FTCDNL1: variants seen among roughly 807,000 people sequenced by gnomAD.
The protein encoded by FTCDNL1 is formiminotransferase N-terminal subdomain-containing protein.
Under a neutral mutation model 5.9 loss-of-function variants are expected in FTCDNL1, and 11 were observed. The ratio of observed to expected loss-of-function variants is 1.87; its 90% CI spans 1.18 to 3.10. FTCDNL1 has a LOEUF of 3.10. Ranked by LOEUF, FTCDNL1 falls within the 30% of genes most tolerant of loss-of-function variation. FTCDNL1 has a pLI of 0.00. For missense variants in FTCDNL1, 115 were observed against 65.5 expected (o/e 1.76, Z -2.61); for synonymous variants, 58 against 24.8 (o/e 2.34, Z -3.99).
At chr2:199,815,114 G>T (rs984052480) in intron 4 of FTCDNL1, among the ~76,000 whole-genome samples, 1 of 152,128 alleles carries the variant, frequency 6.6e-6, no homozygotes, top group African/African-American at 2.4e-5. Flanking sequence ...AAATGTTTAG[G>T]ATTTTAAATA....
At chr2:199,734,676 C>T in the FTCDNL1 span, among the ~76,000 whole-genome samples, 1 of 152,134 alleles carries the variant, frequency 6.6e-6, no homozygotes, top group African/African-American at 2.4e-5. Context: ...TTTCAAATAG[C>T]ACCCAGAATG....
the FTCDNL1 span, among the ~76,000 whole-genome samples, chr2:199,665,405 G>A: frequency 1.3e-5 from 2 of 152,102 alleles, no homozygotes; most frequent in Non-Finnish European, 2.9e-5. Flanking sequence ...GCCGAGGCAG[G>A]CAGATTACCT....
chr2:199,752,695 C>G, the FTCDNL1 span, among the ~76,000 whole-genome samples: 1 of 151,766 alleles, frequency 6.6e-6, no homozygotes, highest in African/African-American at 2.4e-5. Context: ...GTCTCTGTGT[C>G]TCTCTCTTGC....
downstream of FTCDNL1, among the ~76,000 whole-genome samples, chr2:199,807,681 CT>C (rs1486094960): frequency 4.6e-5 from 7 of 152,052 alleles, no homozygotes; most frequent in African/African-American, 1.7e-4. Context: ...TAAATTTTTG[CT>C]TTTTAATGGA....
In FTCDNL1 at chr2:199,839,922, A is replaced by G. The variant is rs558922644; in HGVS notation, c.211+6153T>C. Among the ~76,000 whole-genome samples the G allele has an allele frequency of 5.3e-5, 8 of 152,322 alleles. No homozygotes were observed. The East Asian group carries it at 1.3e-3, about 26-fold the overall frequency. Reference sequence around the variant, plus strand: ...TTCATTTTTTTTCAGAAAGCTACTAAAGGATGTGTTCCACCAAAACGACAC... The same window carrying G: ...TTCATTTTTTTTCAGAAAGCTACTAGAGGATGTGTTCCACCAAAACGACAC... On this transcript the variant is annotated intron_variant, in intron 3 of 4. Coordinates refer to ENST00000420128, the MANE Select transcript of FTCDNL1 (RefSeq NM_001363886.2).
At chr2:199,768,296 C>T (rs548255554) in intron 3 of FTCDNL1, among the ~76,000 whole-genome samples, 1 of 129,324 alleles carries the variant, frequency 7.7e-6, no homozygotes, top group Non-Finnish European at 1.8e-5. Context: ...GGTTCTTATG[C>T]TTAAGATGAG....
At chr2:199,789,276 G>T (rs1199073834) in intron 3 of FTCDNL1, among the ~76,000 whole-genome samples, 1 of 152,094 alleles carries the variant, frequency 6.6e-6, no homozygotes, top group African/African-American at 2.4e-5. Context: ...GGAGTAATAT[G>T]ATATAACGAA....
downstream of FTCDNL1, among the ~76,000 whole-genome samples, chr2:199,759,288 T>A (rs1698179776): frequency 6.6e-6 from 1 of 151,210 alleles, no homozygotes; most frequent in Non-Finnish European, 1.5e-5. Context: ...TTTTTCCTTA[T>A]CATTTGTTGT....
intron 3 of FTCDNL1, among the ~76,000 whole-genome samples, chr2:199,779,227 C>G (rs1699238664): frequency 6.6e-6 from 1 of 152,268 alleles, no homozygotes; most frequent in Middle Eastern, 3.4e-3. Context: ...GATATTTGCT[C>G]AAGTAAAATT....
the FTCDNL1 span, among the ~76,000 whole-genome samples, chr2:199,736,992 G>A: frequency 6.6e-6 from 1 of 152,240 alleles, no homozygotes; most frequent in Non-Finnish European, 1.5e-5. Context: ...GGAGAGATTG[G>A]CAGAAAGCCA....
At chr2:199,836,881 A>G (rs1219764756) in intron 3 of FTCDNL1, among the ~76,000 whole-genome samples, 8 of 152,238 alleles carry the variant, frequency 5.3e-5, no homozygotes. Context: ...TGTCCATCTC[A>G]GGGACAAAAG....
chr2:199,832,637 A>G (rs1702446137), intron 3 of FTCDNL1, among the ~76,000 whole-genome samples: 1 of 152,098 alleles, frequency 6.6e-6, no homozygotes, highest in African/African-American at 2.4e-5. Flanking sequence ...CTCAGAAGGT[A>G]CCTTATTTGG....
intron 3 of FTCDNL1, chr2:199,760,911 C>T (rs1574432723): frequency 1.4e-6 from 1 of 698,334 alleles, no homozygotes; most frequent in East Asian, 2.7e-5. Context: ...CCACTCAACC[C>T]CCATTCCTTT....
At chr2:199,683,264 G>T in the FTCDNL1 span, among the ~76,000 whole-genome samples, 1 of 152,030 alleles carries the variant, frequency 6.6e-6, no homozygotes, top group East Asian at 1.9e-4. Context: ...ATATTAAAAC[G>T]GAGTTTGTAT....
At chr2:199,795,397 C>T (rs1429392270) in intron 3 of FTCDNL1, among the ~76,000 whole-genome samples, 1 of 152,168 alleles carries the variant, frequency 6.6e-6, no homozygotes, top group East Asian at 1.9e-4. Context: ...TTTCTCTGCT[C>T]AGAGGGCATC....
chr2:199,729,524 G>A, the FTCDNL1 span, among the ~76,000 whole-genome samples: 1 of 151,780 alleles, frequency 6.6e-6, no homozygotes, highest in African/African-American at 2.4e-5. Flanking sequence ...CAAAATCAAT[G>A]TGCAAAAATC....
chr2:199,711,678 G>T, the FTCDNL1 span, among the ~76,000 whole-genome samples: 1 of 152,118 alleles, frequency 6.6e-6, no homozygotes, highest in South Asian at 2.1e-4. Context: ...TATTCCAGAA[G>T]GGCTTTTAAA....
At chr2:199,696,990 A>G in the FTCDNL1 span, among the ~76,000 whole-genome samples, 1 of 152,218 alleles carries the variant, frequency 6.6e-6, no homozygotes, top group South Asian at 2.1e-4. Flanking sequence ...TGAAAAATTC[A>G]CTACAAGAAT....
chr2:199,770,184 C>A (rs1359084520), intron 3 of FTCDNL1, among the ~76,000 whole-genome samples: 1 of 152,156 alleles, frequency 6.6e-6, no homozygotes, highest in Non-Finnish European at 1.5e-5. Context: ...ATTAGGCACT[C>A]AACAAAAGTC....
Sources: allele counts gnomAD v4.1 joint callset (sites outside exome capture counted in the v4.1 genomes callset), GRCh38; gene constraint gnomAD v4.1.1; transcripts MANE v1.5; gene names NCBI Gene and HGNC (gene_info 2026-07-23, HGNC 2026-07-21).